The following MED10 variants were observed in gnomAD, a reference collection of about 807,000 sequenced individuals.
MED10 encodes mediator of RNA polymerase II transcription subunit 10.
Under a neutral mutation model 17.2 loss-of-function variants are expected in MED10, and 9 were observed. The ratio of observed to expected loss-of-function variants is 0.52; its 90% CI spans 0.31 to 0.91. MED10 has a LOEUF of 0.91. Ranked by LOEUF, MED10 falls within the 40% of genes least tolerant of loss-of-function variation. The pLI is 0.04. For synonymous variants in MED10, 66 were observed against 59.8 expected (o/e 1.10, Z -0.48); for missense variants, 129 against 164.8 (o/e 0.78, Z 1.19).
intron 2 of MED10, among the ~76,000 whole-genome samples, chr5:6,375,660 A>G (rs1737974537): frequency 6.6e-6 from 1 of 152,214 alleles, no homozygotes; most frequent in African/African-American, 2.4e-5. Flanking sequence ...TCCTGCCCAC[A>G]CACAAAGTCC....
chr5:6,377,338 C>G, intron 1 of MED10, 89 bp from the exon 2 acceptor site: 2 of 883,724 alleles, frequency 2.3e-6, no homozygotes, highest in Non-Finnish European at 3.5e-6. Flanking sequence ...AACCGGGGCT[C>G]CACGCAAGTT....
chr5:6,376,639 A>T (rs932887086), intron 2 of MED10, among the ~76,000 whole-genome samples: 1 of 152,232 alleles, frequency 6.6e-6, no homozygotes, highest in African/African-American at 2.4e-5. Context: ...AGCCTCCCCA[A>T]ACATACTTGG....
Position 6,378,498 on chromosome 5 carries a change from C to CCCCA in MED10, c.-16_-15insTGGG, listed in dbSNP as rs1738048061. 1 of 1,609,168 alleles carries CCCCA rather than the reference C, an allele frequency of 6.2e-7. No homozygotes were observed. The highest frequency in any genetic ancestry group is 1.3e-5 in the African/African-American group (1 of 74,818). ...TTCTCCGCCATCGCCTCGGCCCGTC[C>CCCCA]CCGACCCACACAGCCTCAACCAGCA... On this transcript the variant is annotated 5_prime_UTR_variant, in exon 1 of 4. Transcript: ENST00000255764.
intron 1 of MED10, 73 bp from the exon 2 acceptor site, chr5:6,377,322 C>A: frequency 8.9e-7 from 1 of 1,124,026 alleles, no homozygotes; most frequent in Admixed American, 1.9e-5. Flanking sequence ...ACAGAGCTAC[C>A]CAGCCAACCG....
intron 2 of MED10, 102 bp from the exon 3 acceptor site, chr5:6,374,528 C>T: frequency 1.2e-6 from 1 of 812,916 alleles, no homozygotes; most frequent in Middle Eastern, 3.2e-4. Context: ...TATATAACTG[C>T]ACACGGCCTT....
chr5:6,375,691 C>T (rs1484658801), intron 2 of MED10, among the ~76,000 whole-genome samples: 2 of 152,194 alleles, frequency 1.3e-5, no homozygotes, highest in African/African-American at 4.8e-5. Flanking sequence ...GGCCAAGCTG[C>T]TTTCACCTTA....
chr5:6,375,030 A>T (rs141299311), intron 2 of MED10, among the ~76,000 whole-genome samples: 1 of 152,304 alleles, frequency 6.6e-6, no homozygotes, highest in African/African-American at 2.4e-5. Context: ...AGGCGGCTTG[A>T]TATACCACTT....
In MED10 at chr5:6,372,496, G is replaced by A. The variant is rs774536939; in HGVS notation, c.*7C>T. The stretch of plus-strand genomic sequence containing the variant: ...CAGGGGATCTTCACACAGGGAGGGT[G>A]AGCTGGTTAAGAAGGCGGGTGATCC... On this transcript the variant is annotated 3_prime_UTR_variant, in exon 4 of 4. Transcript: ENST00000255764. 5.0e-6 allele frequency: 8 copies of A among 1,612,752 alleles called. No homozygotes were observed. The highest frequency in any genetic ancestry group is 6.8e-6 in the Non-Finnish European group (8 of 1,178,852).
At chr5:6,378,042 G>T (rs573253698) in intron 1 of MED10, among the ~76,000 whole-genome samples, 1 of 152,184 alleles carries the variant, frequency 6.6e-6, no homozygotes, top group Non-Finnish European at 1.5e-5. Context: ...AGGCTGGGAG[G>T]GGGTTACACA....
intron 3 of MED10, among the ~76,000 whole-genome samples, chr5:6,373,306 C>A (rs182867384): frequency 6.6e-6 from 1 of 152,218 alleles, no homozygotes; most frequent in Non-Finnish European, 1.5e-5. Context: ...GCTGAGCACA[C>A]GTGTCCCAGT....
rs760187912 is a variant in MED10 at position 6,378,487 on chromosome 5, C to T, written c.-4G>A. 5 of 1,610,862 alleles carry T rather than the reference C, an allele frequency of 3.1e-6. No homozygotes were observed. In the East Asian group the frequency reaches 6.7e-5, roughly 22 times the overall value. On this transcript the variant is annotated 5_prime_UTR_variant, in exon 1 of 4. Transcript: ENST00000255764. ...GGTGGTCAAACTTCTCCGCCATCGCCTCGGCCCGTCCCCGACCCACACAGC... is the reference window on the plus strand; with the variant it reads ...GGTGGTCAAACTTCTCCGCCATCGCTTCGGCCCGTCCCCGACCCACACAGC...
intron 2 of MED10, among the ~76,000 whole-genome samples, chr5:6,375,207 C>T (rs1737966439): frequency 6.6e-6 from 1 of 152,146 alleles, no homozygotes; most frequent in Non-Finnish European, 1.5e-5. Flanking sequence ...CTATATTTTA[C>T]CAAGAGCAGG....
rs73736842 is a variant in MED10, at chr5:6,373,768, C to T, written c.309+556G>A. 7.1e-3 allele frequency among the ~76,000 whole-genome samples: 1,078 copies of T among 152,264 alleles called. 13 individuals carry two copies. The highest frequency in any genetic ancestry group is 0.025 in the African/African-American group (1,023 of 41,538). On this transcript the variant is annotated intron_variant, in intron 3 of 3. Coordinates refer to ENST00000255764, the MANE Select transcript of MED10 (RefSeq NM_032286.3). ...TAAGTCCAAATAAAGAAACAAAACA[C>T]CAATTTGAACTACATTTGAGTCAAT...
chr5:6,374,315 G>C lies in MED10; in HGVS notation c.309+9C>G. The C allele has an allele frequency of 6.3e-7, 1 of 1,590,378 alleles. No homozygotes were observed. Among genetic ancestry groups the C allele is most frequent in the South Asian group, 1.1e-5 (1 of 90,614 alleles). On this transcript the variant is annotated intron_variant, in intron 3 of 3. Coordinates refer to ENST00000255764, the MANE Select transcript of MED10 (RefSeq NM_032286.3). ...CCCACTGTATTTCTGACACTCCTTA[G>C]AGTCTTACCTTCATGGTGTCGATCT... is the stretch of plus-strand genomic sequence containing the variant.
Position 6,378,400 on chromosome 5 carries a change from G to A in MED10, c.84C>T (p.Asp28=). 1.2e-6 allele frequency: 2 copies of A among 1,613,384 alleles called. No individual in the cohort carries two copies. Among genetic ancestry groups the A allele is most frequent in the Non-Finnish European group, 1.7e-6 (2 of 1,179,850 alleles). ...NIRQLGIIVS[D]FQPSSQAGLN... The stretch of plus-strand genomic sequence containing the variant: ...GCCCGGCCTGGCTGCTGGGCTGGAA[G>A]TCACTGACGATGATGCCGAGCTGCC... The change falls in exon 1 of 4, where the codon GAC becomes GAT. Residue 28 remains aspartate, a synonymous_variant. Coordinates refer to ENST00000255764, the MANE Select transcript of MED10 (RefSeq NM_032286.3).
At chr5:6,377,568 G>C (rs539823749) in intron 1 of MED10, among the ~76,000 whole-genome samples, 1 of 152,186 alleles carries the variant, frequency 6.6e-6, no homozygotes, top group Non-Finnish European at 1.5e-5. Context: ...CTGTGTGTGC[G>C]GTTTCAGCGA....
chr5:6,377,612 A>T (rs1235564848), intron 1 of MED10, among the ~76,000 whole-genome samples: 1 of 152,226 alleles, frequency 6.6e-6, no homozygotes, highest in East Asian at 1.9e-4. Context: ...TCAAAGTCTG[A>T]GGGAAAGAAA....
intron 2 of MED10, 76 bp from the exon 3 acceptor site, chr5:6,374,502 G>A (rs1311037706): frequency 5.6e-5 from 60 of 1,065,330 alleles, no homozygotes; most frequent in Non-Finnish European, 3.9e-5. Context: ...AGGTATGGGG[G>A]AATAAAGGTT....
At chr5:6,377,332 G>C (rs948644074) in intron 1 of MED10, 83 bp from the exon 2 acceptor site, 2 of 947,256 alleles carry the variant, frequency 2.1e-6, no homozygotes, top group Non-Finnish European at 1.6e-6. Context: ...CCAGCCAACC[G>C]GGGCTCCACG....
Sources: gnomAD v4.1 joint callset for allele counts (sites outside exome capture counted in the v4.1 genomes callset) on GRCh38, gnomAD v4.1.1 for gene constraint, MANE v1.5 for transcripts, NCBI Gene and HGNC (gene_info 2026-07-23, HGNC 2026-07-21) for gene names.